The following HSD17B12 variants were observed in gnomAD, a reference collection of about 807,000 sequenced individuals.
HSD17B12 encodes the protein hydroxysteroid 17-beta dehydrogenase 12.
Under a neutral mutation model 39.3 loss-of-function variants are expected in HSD17B12, and 32 were observed. That is an observed-to-expected ratio of 0.81 (90% CI 0.61 to 1.09). The LOEUF is 1.09. Among genes scored for constraint, HSD17B12 ranks in the 50% least tolerant of loss-of-function variants. HSD17B12 has a pLI of 0.00. For synonymous variants in HSD17B12, 150 were observed against 146.7 expected (o/e 1.02, Z -0.16); for missense variants, 342 against 382.9 (o/e 0.89, Z 0.89).
rs371358184 is a variant in HSD17B12, at chr11:43,700,233, G to A, written c.160+19246G>A. Among the ~76,000 whole-genome samples the A allele has an allele frequency of 1.1e-4, 17 of 152,054 alleles. No individual in the cohort carries two copies. The East Asian group carries it at 2.1e-3, about 19-fold the overall frequency. ...TATATTTTTTTAATTTGTAATTTTT[G>A]TGGGTACACAGTAGGTATATATATT... On this transcript the variant is annotated intron_variant, in intron 1 of 10. Coordinates refer to ENST00000278353, the MANE Select transcript of HSD17B12 (RefSeq NM_016142.3).
At chr11:43,630,849 G>A in the HSD17B12 span, among the ~76,000 whole-genome samples, 1 of 146,576 alleles carries the variant, frequency 6.8e-6, no homozygotes, top group African/African-American at 2.6e-5. Flanking sequence ...TTGTTGCCCA[G>A]GCTGGAGTGC....
chr11:43,605,632 C>T, the HSD17B12 span, among the ~76,000 whole-genome samples: 3 of 151,664 alleles, frequency 2.0e-5, no homozygotes, highest in South Asian at 2.1e-4. Context: ...TTGTCTCAGG[C>T]AACTTGCTCA....
At chr11:43,581,291 G>A in the HSD17B12 span, 3 of 465,472 alleles carry the variant, frequency 6.4e-6, no homozygotes, top group Non-Finnish European at 8.8e-6. The surrounding 1 kb of genome is among the most constrained non-coding windows in gnomAD (Gnocchi z 4.9). Context: ...TGGTGAGACT[G>A]AGCCGCGATG....
the HSD17B12 span, among the ~76,000 whole-genome samples, chr11:43,575,122 GTGTGCA>G: frequency 5.3e-5 from 8 of 152,258 alleles, no homozygotes; most frequent in African/African-American, 1.7e-4. This position sits in a 1 kb window ranked among gnomAD's most constrained non-coding sequence, Gnocchi z 4.1. Flanking sequence ...GCAAAGGGTT[GTGTGCA>G]TGTGTGTATT....
chr11:43,669,022 G>A, the HSD17B12 span, among the ~76,000 whole-genome samples: 1 of 151,858 alleles, frequency 6.6e-6, no homozygotes, highest in Non-Finnish European at 1.5e-5. Flanking sequence ...TCTCTGATGA[G>A]ATATTGCCAC....
At chr11:43,734,011 A>C (rs1351129153) in intron 1 of HSD17B12, 1 of 733,954 alleles carries the variant, frequency 1.4e-6, no homozygotes, top group Non-Finnish European at 2.5e-6. Flanking sequence ...AAAGATTTAT[A>C]GATTGTCAAT....
Position 43,856,204 on chromosome 11 carries a change from A to G in HSD17B12, c.*956A>G, listed in dbSNP as rs1951582042. On this transcript the variant is annotated 3_prime_UTR_variant, in exon 11 of 11. Coordinates refer to ENST00000278353, the MANE Select transcript of HSD17B12 (RefSeq NM_016142.3). ...ATGCTGCAACCATGGTATACAACAA[A>G]AATACATTTCTTTGGTGATTGAAAT... The G allele has an allele frequency of 6.6e-6, 1 of 152,262 alleles. No individual in the cohort carries two copies. Among genetic ancestry groups the G allele is most frequent in the South Asian group, 2.1e-4 (1 of 4,828 alleles). The allele number at this position is 152,262 out of a possible 1,614,324, so 9.4% of individuals were successfully genotyped here.
chr11:43,589,874 C>T, the HSD17B12 span, among the ~76,000 whole-genome samples: 1 of 152,210 alleles, frequency 6.6e-6, no homozygotes, highest in Non-Finnish European at 1.5e-5. Context: ...GCTGCACGCC[C>T]TTCAGCAACT....
At chr11:43,681,073 C>T (rs1203882379) in intron 1 of HSD17B12, 86 bp downstream of exon 1, 17 of 1,435,776 alleles carry the variant, frequency 1.2e-5, no homozygotes, top group African/African-American at 1.5e-5. Flanking sequence ...GGGTCTGCTC[C>T]TGGCCTTCCC....
chr11:43,589,599 C>T, the HSD17B12 span, among the ~76,000 whole-genome samples: 2 of 152,204 alleles, frequency 1.3e-5, no homozygotes, highest in Non-Finnish European at 2.9e-5. Context: ...ACAGTCTATG[C>T]ATTGCTTCCA....
At chr11:43,734,480 G>T in intron 1 of HSD17B12, 3 of 656,240 alleles carry the variant, frequency 4.6e-6, no homozygotes, top group African/African-American at 1.8e-5. Flanking sequence ...GCTGGAAGTC[G>T]TGGAGGACAT....
intron 1 of HSD17B12, among the ~76,000 whole-genome samples, chr11:43,684,300 A>G (rs1245719275): frequency 6.6e-6 from 1 of 152,256 alleles, no homozygotes; most frequent in Non-Finnish European, 1.5e-5. Context: ...GTGGAGTTTC[A>G]GGTGTTTGAA....
intron 9 of HSD17B12, among the ~76,000 whole-genome samples, chr11:43,846,326 T>C (rs1461225869): frequency 6.6e-6 from 1 of 152,236 alleles, no homozygotes; most frequent in African/African-American, 2.4e-5. Flanking sequence ...TCATTTTACA[T>C]AGATATTAAC....
At chr11:43,645,248 T>C in the HSD17B12 span, 1 of 152,224 alleles carries the variant, frequency 6.6e-6, no homozygotes, top group Non-Finnish European at 1.5e-5. Context: ...ACCTGTTTTG[T>C]CTGTCTACAC....
At chr11:43,752,412 G>GTTATTACCA (rs1950473239) in intron 2 of HSD17B12, among the ~76,000 whole-genome samples, 1 of 152,018 alleles carries the variant, frequency 6.6e-6, no homozygotes, top group African/African-American at 2.4e-5. Context: ...TACCATGGTG[G>GTTATTACCA]TTAAAAAATG....
the HSD17B12 span, among the ~76,000 whole-genome samples, chr11:43,565,913 T>G: frequency 1.3e-5 from 2 of 152,262 alleles, no homozygotes; most frequent in Admixed American, 6.5e-5. Context: ...GATTGGGACT[T>G]AACAAGGTGT....
Position 43,757,315 on chromosome 11 carries a change from G to T in HSD17B12, c.283+3194G>T, listed in dbSNP as rs138389474. 8.1e-4 allele frequency among the ~76,000 whole-genome samples: 123 copies of T among 152,272 alleles called. 1 individual carries two copies. The highest frequency in any genetic ancestry group is 2.8e-3 in the African/African-American group (116 of 41,560). ...GTGGCATGCAGTCCCTGTTCTCAAA[G>T]AACTTAAGTGCAGGAGACAGTAAAA... On this transcript the variant is annotated intron_variant, in intron 3 of 10. Transcript: ENST00000278353.
intron 4 of HSD17B12, among the ~76,000 whole-genome samples, chr11:43,809,681 G>A (rs556312957): frequency 1.1e-4 from 17 of 152,212 alleles, no homozygotes; most frequent in African/African-American, 2.9e-4. Context: ...TTAGCCGGTC[G>A]TGGTGGCGCA....
chr11:43,695,854 CTTTTA>C (rs771617288), intron 1 of HSD17B12, among the ~76,000 whole-genome samples: 2 of 151,996 alleles, frequency 1.3e-5, no homozygotes, highest in Non-Finnish European at 2.9e-5. Flanking sequence ...ATATTTCTAA[CTTTTA>C]TTTTAAGTTC....
Sources: allele counts gnomAD v4.1 joint callset (sites outside exome capture counted in the v4.1 genomes callset), GRCh38; gene constraint gnomAD v4.1.1; non-coding constraint Gnocchi (gnomAD v3.1); transcripts MANE v1.5; gene names NCBI Gene and HGNC (gene_info 2026-07-23, HGNC 2026-07-21).